CA13: variants seen among roughly 807,000 people sequenced by gnomAD.
CA13 encodes CA-XIII.
In CA13, 21 loss-of-function variants were observed where a neutral mutation model predicts 31.5. That is an observed-to-expected ratio of 0.67 (90% CI 0.47 to 0.96). CA13 has a LOEUF of 0.96. CA13 is among the 40% of genes least tolerant of loss of function. The pLI, the probability that CA13 is intolerant of heterozygous loss-of-function variation, is 0.00. For missense variants in CA13, 315 were observed against 318.9 expected, an observed-to-expected ratio of 0.99 and a Z score of 0.09; for synonymous variants, 117 against 111.4, an observed-to-expected ratio of 1.05 and a Z score of -0.32.
intron 2 of CA13, among the ~76,000 whole-genome samples, chr8:85,252,130 G>A (rs1426195826): frequency 6.6e-6 from 1 of 152,046 alleles, no homozygotes; most frequent in Non-Finnish European, 1.5e-5. Context: ...GGTGGGGTGT[G>A]CCTTTACTCC....
At chr8:85,278,309 A>G (rs1190816429) in intron 6 of CA13, among the ~76,000 whole-genome samples, 1 of 149,316 alleles carries the variant, frequency 6.7e-6, no homozygotes, top group Non-Finnish European at 1.5e-5. Context: ...GGGCCTTATT[A>G]GAAATTCCAA....
intron 2 of CA13, among the ~76,000 whole-genome samples, chr8:85,254,780 T>TTTC (rs1219279433): frequency 6.6e-6 from 1 of 151,574 alleles, no homozygotes; most frequent in Non-Finnish European, 1.5e-5. Flanking sequence ...AAGTTTTTTT[T>TTTC]TTTTTTTTGG....
In CA13 at chr8:85,281,535, T is replaced by TA; in HGVS notation, c.*187dup. On this transcript the variant is annotated 3_prime_UTR_variant, in exon 7 of 7. Transcript: ENST00000321764. ...CTTTTTTTTTTATTTTTTTTAGTGA[T>TA]AGAGTCTCACTCTGTCACCCAGGCT... is the stretch of plus-strand genomic sequence containing the variant. 1 of 1,275,364 alleles carries TA rather than the reference T, an allele frequency of 7.8e-7. No individual in the cohort carries two copies. Among genetic ancestry groups the TA allele is most frequent in the Admixed American group, 3.2e-5 (1 of 30,808 alleles). 79.0% of individuals were successfully genotyped at this position (1,275,364 alleles called of 1,614,324 possible). A position where few individuals can be genotyped will look rare whatever the true frequency, so the allele number is the denominator to read the frequency against.
Position 85,281,430 on chromosome 8 carries a change from A to G in CA13, c.*81A>G. 1 of 1,545,778 alleles carries G rather than the reference A, an allele frequency of 6.5e-7. No individual in the cohort carries two copies. The highest frequency in any genetic ancestry group is 8.8e-7 in the Non-Finnish European group (1 of 1,138,996). ...ACAAAGCACAAAAGTCTCTGCCAAC[A>G]ACTCTTTTGTGGAATTCTAATTTAT... On this transcript the variant is annotated 3_prime_UTR_variant, in exon 7 of 7. Coordinates refer to ENST00000321764, the MANE Select transcript of CA13 (RefSeq NM_198584.3).
chr8:85,281,546 T>C lies in CA13; in HGVS notation c.*197T>C, dbSNP rs1231311310. The stretch of plus-strand genomic sequence containing the variant: ...ATTTTTTTTAGTGATAGAGTCTCAC[T>C]CTGTCACCCAGGCTGGAGGGCAGTG... On this transcript the variant is annotated 3_prime_UTR_variant, in exon 7 of 7. Transcript: ENST00000321764. 8.0e-7 allele frequency: 1 copy of C among 1,245,082 alleles called. No homozygotes were observed. The highest frequency in any genetic ancestry group is 1.0e-6 in the Non-Finnish European group (1 of 977,518). The allele number at this position is 1,245,082 out of a possible 1,614,324, so 77.1% of individuals were successfully genotyped here. A position where few individuals can be genotyped will look rare whatever the true frequency, so the allele number is the denominator to read the frequency against.
intron 6 of CA13, among the ~76,000 whole-genome samples, chr8:85,272,866 G>A (rs916164239): frequency 1.3e-5 from 2 of 152,108 alleles, no homozygotes; most frequent in South Asian, 4.1e-4. Context: ...TGCCCAGGCT[G>A]GAGTGCAGTG....
intron 1 of CA13, among the ~76,000 whole-genome samples, chr8:85,248,457 CAAAAAA>C (rs528349589): frequency 1.3e-5 from 1 of 76,688 alleles, no homozygotes. Flanking sequence ...AACTCTGTCT[CAAAAAA>C]AAAAAAAAAA....
At chr8:85,252,255 C>CAAAAAAAAAAAAAAAAAAAAAA (rs1177337198) in intron 2 of CA13, among the ~76,000 whole-genome samples, 1 of 151,584 alleles carries the variant, frequency 6.6e-6, no homozygotes, top group Non-Finnish European at 1.5e-5. Context: ...GATCCTGTCT[C>CAAAAAAAAAAAAAAAAAAAAAA]AAAAGATAAA....
At chr8:85,248,863 A>C (rs1194096026) in intron 1 of CA13, among the ~76,000 whole-genome samples, 1 of 152,234 alleles carries the variant, frequency 6.6e-6, no homozygotes, top group South Asian at 2.1e-4. Context: ...TGCATTGCGC[A>C]TTTGAAATTG....
chr8:85,250,672 T>C (rs1813809801), intron 1 of CA13, 68 bp from the exon 2 acceptor site: 1 of 974,942 alleles, frequency 1.0e-6, no homozygotes. Flanking sequence ...CAGTGTGTTA[T>C]ACTCAATGTA....
At chr8:85,275,544 T>C (rs891247956) in intron 6 of CA13, among the ~76,000 whole-genome samples, 3 of 152,170 alleles carry the variant, frequency 2.0e-5, no homozygotes, top group Non-Finnish European at 1.5e-5. Flanking sequence ...GCGATACGTC[T>C]GCTTGTAGTT....
intron 4 of CA13, 103 bp from the exon 5 acceptor site, chr8:85,267,799 C>A: frequency 3.0e-6 from 2 of 667,272 alleles, no homozygotes; most frequent in South Asian, 2.2e-5. Context: ...TCTGTGCTGG[C>A]TAAGGTTTTT....
chr8:85,266,832 T>G, intron 4 of CA13, 129 bp downstream of exon 4: 1 of 625,894 alleles, frequency 1.6e-6, no homozygotes, highest in Non-Finnish European at 2.7e-6. Flanking sequence ...CCTTTTGAAA[T>G]GAATATTTAA....
chr8:85,250,691 G>A, intron 1 of CA13, 49 bp from the exon 2 acceptor site: 1 of 1,223,708 alleles, frequency 8.2e-7, no homozygotes, highest in Non-Finnish European at 1.2e-6. Flanking sequence ...TATGTTTGTT[G>A]AAAGAAAGAA....
chr8:85,253,511 C>T lies in CA13; in HGVS notation c.235+2574C>T, dbSNP rs554922220. On this transcript the variant is annotated intron_variant, in intron 2 of 6. Transcript: ENST00000321764. ...AACTACTGGGCTCAAGGGATCTGCC[C>T]GCCTCGGTCTCCCAAAGTGCTGGGA... Among the ~76,000 whole-genome samples the T allele has an allele frequency of 4.6e-5, 7 of 152,232 alleles. No homozygotes were observed. The East Asian group carries it at 1.4e-3, about 29-fold the overall frequency.
intron 3 of CA13, among the ~76,000 whole-genome samples, chr8:85,262,239 C>T (rs1231988451): frequency 1.4e-5 from 2 of 147,968 alleles, no homozygotes; most frequent in Non-Finnish European, 3.0e-5. Flanking sequence ...CAACCATGCT[C>T]CTAATCTTTA....
chr8:85,268,337 GATATTACATA>G, intron 5 of CA13, 125 bp from the exon 6 acceptor site: 1 of 760,700 alleles, frequency 1.3e-6, no homozygotes, highest in Non-Finnish European at 2.1e-6. Flanking sequence ...ACTAAAGGAA[GATATTACATA>G]ATTCTAGATG....
Position 85,281,235 on chromosome 8 carries a change from C to T in CA13, c.675C>T (p.Ala225=), listed in dbSNP as rs752386678. 9 of 1,612,640 alleles carry T rather than the reference C, an allele frequency of 5.6e-6. No homozygotes were observed. In the East Asian group the frequency reaches 1.8e-4, roughly 32 times the overall value. Residue 225 remains alanine (A), a synonymous_variant, in exon 7 of 7, where the codon GCC becomes GCT. Transcript: ENST00000321764. ...QPINISSQQL[A]KFRSLLCTAE... ...ACTCTTTTCTTCTTCTACAGCTGGC[C>T]AAATTTCGCAGTCTCCTGTGCACAG...
intron 1 of CA13, chr8:85,246,440 A>G (rs1264955044): frequency 2.9e-5 from 13 of 456,078 alleles, no homozygotes; most frequent in South Asian, 1.7e-4. Flanking sequence ...TTGGCTGACT[A>G]CTACTGGGGA....
Sources: allele counts gnomAD v4.1 joint callset (sites outside exome capture counted in the v4.1 genomes callset), GRCh38; gene constraint gnomAD v4.1.1; transcripts MANE v1.5; gene names NCBI Gene and HGNC (gene_info 2026-07-23, HGNC 2026-07-21).